The following CCDC192 variants were observed in gnomAD, a reference collection of about 807,000 sequenced individuals.
CCDC192 encodes coiled-coil domain-containing protein 192.
At chr5:127,781,532 T>C (rs1756219789) in intron 3 of CCDC192, among the ~76,000 whole-genome samples, 1 of 151,884 alleles carries the variant, frequency 6.6e-6, no homozygotes, top group African/African-American at 2.4e-5. Flanking sequence ...GTTTTCCTTG[T>C]GCACGTCTTT....
At chr5:127,760,250 C>A (rs1754835011) in intron 3 of CCDC192, among the ~76,000 whole-genome samples, 1 of 132,444 alleles carries the variant, frequency 7.6e-6, no homozygotes, top group East Asian at 2.2e-4. Flanking sequence ...GGGGATTTAA[C>A]CATTTTAATA....
chr5:127,900,918 T>C (rs1035113418), intron 6 of CCDC192, among the ~76,000 whole-genome samples: 11 of 152,218 alleles, frequency 7.2e-5, no homozygotes, highest in African/African-American at 9.6e-5. Context: ...GTGCCTCAGG[T>C]CTTACTAAAC....
chr5:127,722,809 T>C (rs1434568276), intron 2 of CCDC192, among the ~76,000 whole-genome samples: 2 of 152,186 alleles, frequency 1.3e-5, no homozygotes, highest in Non-Finnish European at 2.9e-5. Flanking sequence ...TTTTGCTCCA[T>C]TTGTCTGTTT....
intron 5 of CCDC192, among the ~76,000 whole-genome samples, chr5:127,852,433 T>G (rs1750839915): frequency 2.0e-5 from 3 of 152,172 alleles, no homozygotes; most frequent in African/African-American, 7.2e-5. Context: ...GGGGAAGTAT[T>G]GGCTGTTATG....
intron 3 of CCDC192, among the ~76,000 whole-genome samples, chr5:127,790,420 C>T (rs7706845): frequency 0.059 from 8,987 of 152,078 alleles, 588 homozygotes; most frequent in East Asian, 0.27. Context: ...TCAGGGTAAT[C>T]GGGACATCCA....
chr5:127,746,452 A>G (rs1039448960), intron 2 of CCDC192, among the ~76,000 whole-genome samples: 9 of 152,238 alleles, frequency 5.9e-5, no homozygotes, highest in Non-Finnish European at 8.8e-5. Context: ...GAGATCAAAC[A>G]TTCAACAAGA....
intron 3 of CCDC192, chr5:127,787,076 A>G (rs945150005): frequency 1.6e-5 from 4 of 256,234 alleles, no homozygotes; most frequent in African/African-American, 4.6e-5. Context: ...CAGTGCAGCA[A>G]TCCTTATTCA....
intron 2 of CCDC192, among the ~76,000 whole-genome samples, chr5:127,744,420 G>A (rs1229765806): frequency 2.0e-5 from 3 of 152,112 alleles, no homozygotes; most frequent in Admixed American, 2.0e-4. Flanking sequence ...CAGGATATTT[G>A]TAAAATGTGT....
chr5:127,914,112 G>A (rs964895308), intron 6 of CCDC192, among the ~76,000 whole-genome samples: 1 of 152,028 alleles, frequency 6.6e-6, no homozygotes, highest in Non-Finnish European at 1.5e-5. Context: ...AGAATGAGTA[G>A]GAGGAAAGAC....
At chr5:127,805,739 A>T (rs930725841) in intron 5 of CCDC192, among the ~76,000 whole-genome samples, 1 of 152,186 alleles carries the variant, frequency 6.6e-6, no homozygotes, top group Non-Finnish European at 1.5e-5. Context: ...TTTTTGTTGC[A>T]TGTGTTCATT....
At chr5:127,892,414 T>C (rs1450091212) in intron 6 of CCDC192, among the ~76,000 whole-genome samples, 1 of 152,242 alleles carries the variant, frequency 6.6e-6, no homozygotes, top group Non-Finnish European at 1.5e-5. Context: ...GATGTAGTTA[T>C]TTCTAAATTT....
chr5:127,901,334 A>T (rs1272801755), intron 6 of CCDC192, among the ~76,000 whole-genome samples: 6 of 152,182 alleles, frequency 3.9e-5, no homozygotes, highest in African/African-American at 1.4e-4. Context: ...TTTTGAATCA[A>T]CCTAGGGTGG....
intron 5 of CCDC192, among the ~76,000 whole-genome samples, chr5:127,829,007 T>C (rs1377353285): frequency 1.3e-5 from 2 of 152,130 alleles, no homozygotes; most frequent in Admixed American, 1.3e-4. Context: ...GGGCAGATAT[T>C]GGCTCTCCTT....
intron 2 of CCDC192, among the ~76,000 whole-genome samples, chr5:127,724,179 A>G (rs1752180633): frequency 6.6e-6 from 1 of 152,234 alleles, no homozygotes; most frequent in Non-Finnish European, 1.5e-5. Flanking sequence ...ACTCAAAGTA[A>G]GTGATTGAAA....
intron 6 of CCDC192, among the ~76,000 whole-genome samples, chr5:127,887,736 C>T (rs1186388291): frequency 6.9e-6 from 1 of 145,234 alleles, no homozygotes; most frequent in Non-Finnish European, 1.5e-5. Context: ...CAGAGTTTTG[C>T]TCTGTCACCC....
At chr5:127,722,934 A>G (rs1044404169) in intron 2 of CCDC192, among the ~76,000 whole-genome samples, 1 of 152,006 alleles carries the variant, frequency 6.6e-6, no homozygotes, top group African/African-American at 2.4e-5. Context: ...ATCTTTGGCT[A>G]TTCTAGGTCT....
chr5:127,760,083 A>G (rs145118119), intron 3 of CCDC192, among the ~76,000 whole-genome samples: 3 of 152,282 alleles, frequency 2.0e-5, no homozygotes, highest in Admixed American at 6.5e-5. Flanking sequence ...ATATAGTTAC[A>G]TATGAGAAAA....
intron 5 of CCDC192, among the ~76,000 whole-genome samples, chr5:127,868,071 T>C (rs1284938872): frequency 2.0e-5 from 3 of 151,236 alleles, no homozygotes; most frequent in Non-Finnish European, 4.4e-5. Flanking sequence ...ATCAACTTCC[T>C]GGACGTTTCT....
chr5:127,773,213 T>C (rs1010970569), intron 3 of CCDC192, among the ~76,000 whole-genome samples: 6 of 152,228 alleles, frequency 3.9e-5, no homozygotes, highest in African/African-American at 1.2e-4. Flanking sequence ...TAACATTCAA[T>C]GAGTGGATGT....
Sources: gnomAD v4.1 joint callset for allele counts (sites outside exome capture counted in the v4.1 genomes callset) on GRCh38, gnomAD v4.1.1 for gene constraint, MANE v1.5 for transcripts, NCBI Gene and HGNC (gene_info 2026-07-23, HGNC 2026-07-21) for gene names.